TRIB2: variants seen among roughly 807,000 people sequenced by gnomAD.
TRIB2 encodes the protein tribbles pseudokinase 2.
A neutral mutation model predicts 26.8 loss-of-function variants in TRIB2; 2 were observed. The observed-to-expected ratio is 0.07, with a 90% CI of 0.03 to 0.24. TRIB2 has a LOEUF of 0.24. Ranked by LOEUF, TRIB2 falls within the 10% of genes least tolerant of loss-of-function variation. The pLI, the probability that TRIB2 is intolerant of heterozygous loss-of-function variation, is 1.00. For synonymous variants in TRIB2, 189 were observed against 187.3 expected (o/e 1.01, Z -0.08); for missense variants, 306 against 449.0 (o/e 0.68, Z 2.88).
chr2:12,725,357 G>A (rs1298607226), intron 2 of TRIB2, among the ~76,000 whole-genome samples: 1 of 152,236 alleles, frequency 6.6e-6, no homozygotes, highest in Non-Finnish European at 1.5e-5. Context: ...GAACAAAAGT[G>A]GACCCGGAGG....
chr2:12,740,205 C>T lies in TRIB2; in HGVS notation c.564-121C>T, dbSNP rs141122325. 2,772 of 970,372 alleles carry T rather than the reference C, an allele frequency of 2.9e-3. 5 individuals carry two copies. Among genetic ancestry groups the T allele is most frequent in the Middle Eastern group, 6.3e-3 (19 of 3,028 alleles). 60.1% of individuals were successfully genotyped at this position (970,372 alleles called of 1,614,324 possible). On this transcript the variant is annotated intron_variant, in intron 2 of 2. Coordinates refer to ENST00000155926, the MANE Select transcript of TRIB2 (RefSeq NM_021643.4). This position sits in a 1 kb window ranked among gnomAD's most constrained non-coding sequence, Gnocchi z 5.8. ...TAATGTTTGGCTGGTCAGATGAATG[C>T]GTGAATGAATGAATGTGAATGAGGA...
At chr2:12,739,192 C>G (rs1304821760) in intron 2 of TRIB2, among the ~76,000 whole-genome samples, 1 of 152,098 alleles carries the variant, frequency 6.6e-6, no homozygotes, top group Non-Finnish European at 1.5e-5. Context: ...TGGTCAAGGA[C>G]AAGGCCTTGG....
At chr2:12,724,176 A>T (rs891840361) in intron 2 of TRIB2, among the ~76,000 whole-genome samples, 4 of 152,126 alleles carry the variant, frequency 2.6e-5, no homozygotes, top group African/African-American at 9.7e-5. Context: ...TGGAGCCAAG[A>T]CTCGAAAGAT....
intron 2 of TRIB2, among the ~76,000 whole-genome samples, chr2:12,729,404 C>T (rs748717913): frequency 6.6e-6 from 1 of 152,112 alleles, no homozygotes; most frequent in Non-Finnish European, 1.5e-5. Context: ...AAGAGAGAGG[C>T]AGGGGTAAGT....
At chr2:12,724,789 T>C (rs182630801) in intron 2 of TRIB2, 1 of 1,612,614 alleles carries the variant, frequency 6.2e-7, no homozygotes, top group East Asian at 2.2e-5. Context: ...TAAGGTCTTT[T>C]CAATTAATAA....
chr2:12,723,636 T>G, intron 2 of TRIB2, 84 bp downstream of exon 2: 1 of 1,498,820 alleles, frequency 6.7e-7, no homozygotes, highest in Non-Finnish European at 8.9e-7. Flanking sequence ...AATGGACGTT[T>G]TTTTGCCGTC....
rs529067683 is a variant in TRIB2 at position 12,741,834 on chromosome 2, C to T, written c.*1040C>T. 1.0e-4 allele frequency: 16 copies of T among 152,756 alleles called. No individual in the cohort carries two copies. In the East Asian group the frequency reaches 1.7e-3, roughly 17 times the overall value. 9.5% of individuals were successfully genotyped at this position (152,756 alleles called of 1,614,324 possible). On this transcript the variant is annotated 3_prime_UTR_variant, in exon 3 of 3. Transcript: ENST00000155926. The stretch of plus-strand genomic sequence containing the variant: ...TTAGTTTTCTTTACAGAGAATGATC[C>T]TTTTAAGGCTTGTAAGGCCCTCTGG...
At chr2:12,739,407 G>A (rs942040638) in intron 2 of TRIB2, among the ~76,000 whole-genome samples, 1 of 152,146 alleles carries the variant, frequency 6.6e-6, no homozygotes, top group African/African-American at 2.4e-5. Context: ...TTACAGGTGT[G>A]CACCACCACG....
At chr2:12,725,181 G>C (rs1160590664) in intron 2 of TRIB2, among the ~76,000 whole-genome samples, 1 of 152,210 alleles carries the variant, frequency 6.6e-6, no homozygotes, top group Non-Finnish European at 1.5e-5. Flanking sequence ...CTCTCGCAGG[G>C]ATCTGTGTTT....
chr2:12,720,685 A>G (rs1239306597), intron 1 of TRIB2, among the ~76,000 whole-genome samples: 1 of 152,198 alleles, frequency 6.6e-6, no homozygotes, highest in Non-Finnish European at 1.5e-5. Context: ...GCAAAAACAG[A>G]TCAAATGTAA....
rs7590994 is a variant in TRIB2 at position 12,718,201 on chromosome 2, C to T, written c.-107C>T. On this transcript the variant is annotated 5_prime_UTR_variant, in exon 1 of 3. Coordinates refer to ENST00000155926, the MANE Select transcript of TRIB2 (RefSeq NM_021643.4). This position sits in a 1 kb window ranked among gnomAD's most constrained non-coding sequence, Gnocchi z 4.0. ...GCCCCTCTTCTGTCCCCTCCCCTCT[C>T]GCTCCCTTTTAAAATCAGTGGCACC... 7.4e-3 allele frequency: 10,544 copies of T among 1,419,218 alleles called. 640 individuals carry two copies. In the African/African-American group the frequency reaches 0.13, roughly 18 times the overall value. 87.9% of individuals were successfully genotyped at this position (1,419,218 alleles called of 1,614,324 possible).
At chr2:12,719,372 C>T (rs982927607) in intron 1 of TRIB2, among the ~76,000 whole-genome samples, 1 of 152,040 alleles carries the variant, frequency 6.6e-6, no homozygotes, top group Admixed American at 6.5e-5. Flanking sequence ...ACTTCGGTTT[C>T]CTTTTTTGTC....
Position 12,738,992 on chromosome 2 carries a change from C to T in TRIB2, c.564-1334C>T, listed in dbSNP as rs184462424. On this transcript the variant is annotated intron_variant, in intron 2 of 2. Coordinates refer to ENST00000155926, the MANE Select transcript of TRIB2 (RefSeq NM_021643.4). ...CTTGAGCATACCCTGGAGAGTCCTA[C>T]TTTCCTGTCAGCAACCATGATGGAC... Among the ~76,000 whole-genome samples, 25 of 152,262 alleles carry T rather than the reference C, an allele frequency of 1.6e-4. No individual in the cohort carries two copies. The Middle Eastern group carries it at 0.01, about 62-fold the overall frequency.
rs560972568 is a variant in TRIB2, at chr2:12,717,129, TG to T, written c.-1171del. ...TAAATACACGGTCCCCTCTTTTCTC[TG>T]GGGGGGGCAAGCAAGAAATCAAAGA... On this transcript the variant is annotated 5_prime_UTR_variant, in exon 1 of 3. Transcript: ENST00000155926. This position sits in a 1 kb window ranked among gnomAD's most constrained non-coding sequence, Gnocchi z 4.8. 5.5e-5 allele frequency: 20 copies of T among 364,234 alleles called. No individual in the cohort carries two copies. The highest frequency in any genetic ancestry group is 1.6e-4 in the East Asian group (4 of 25,006). The allele number at this position is 364,234 out of a possible 1,614,324, so 22.6% of individuals were successfully genotyped here. A position where few individuals can be genotyped will look rare whatever the true frequency, so the allele number is the denominator to read the frequency against.
rs1464509674 is a variant in TRIB2, at chr2:12,740,828, G to A, written c.*34G>A. ...CCCACGGAGACTTAGCAGGTTCCAGGAGTGAGCGAGGGCAGCGGAAAGGAG... is the reference window on the plus strand; with the variant it reads ...CCCACGGAGACTTAGCAGGTTCCAGAAGTGAGCGAGGGCAGCGGAAAGGAG... On this transcript the variant is annotated 3_prime_UTR_variant, in exon 3 of 3. Transcript: ENST00000155926. The surrounding 1 kb of genome is among the most constrained non-coding windows in gnomAD (Gnocchi z 5.8). 2 of 1,585,114 alleles carry A rather than the reference G, an allele frequency of 1.3e-6. No homozygotes were observed. The highest frequency in any genetic ancestry group is 1.7e-6 in the Non-Finnish European group (2 of 1,161,364).
At chr2:12,739,211 G>A (rs1475742276) in intron 2 of TRIB2, among the ~76,000 whole-genome samples, 1 of 152,170 alleles carries the variant, frequency 6.6e-6, no homozygotes, top group African/African-American at 2.4e-5. Context: ...GGGAGTATGA[G>A]GGGCAGGACA....
At chr2:12,734,471 G>A (rs945535943) in intron 2 of TRIB2, among the ~76,000 whole-genome samples, 2 of 152,080 alleles carry the variant, frequency 1.3e-5, no homozygotes, top group Admixed American at 6.5e-5. Flanking sequence ...CACATCTACG[G>A]CCGTATGCTG....
intron 2 of TRIB2, among the ~76,000 whole-genome samples, chr2:12,734,469 C>T (rs547329635): frequency 1.5e-4 from 23 of 152,198 alleles, no homozygotes; most frequent in Admixed American, 9.2e-4. Context: ...TTCACATCTA[C>T]GGCCGTATGC....
chr2:12,724,031 C>T (rs574739016), intron 2 of TRIB2, among the ~76,000 whole-genome samples: 8 of 152,268 alleles, frequency 5.3e-5, no homozygotes, highest in South Asian at 2.1e-4. Flanking sequence ...AGATAGCCAA[C>T]GGACCTATAA....
Sources: gnomAD v4.1 joint callset for allele counts (sites outside exome capture counted in the v4.1 genomes callset) on GRCh38, gnomAD v4.1.1 for gene constraint, Gnocchi (gnomAD v3.1) non-coding constraint, MANE v1.5 for transcripts, NCBI Gene and HGNC (gene_info 2026-07-23, HGNC 2026-07-21) for gene names.